GALNT18: variants seen among roughly 807,000 people sequenced by gnomAD.
GALNT18 encodes the protein GalNAc-transferase 18.
GALNT18 carries 44 observed loss-of-function variants against 69.5 expected under a neutral mutation model. The observed-to-expected ratio is 0.63, with a 90% CI of 0.50 to 0.81. GALNT18 has a LOEUF of 0.81. GALNT18 is among the 40% of genes least tolerant of loss of function. The pLI, the probability that GALNT18 is intolerant of heterozygous loss-of-function variation, is 0.00. For missense variants in GALNT18, 715 were observed against 810.0 expected, an observed-to-expected ratio of 0.88 and a Z score of 1.42; for synonymous variants, 364 against 318.2, an observed-to-expected ratio of 1.14 and a Z score of -1.53.
intron 1 of GALNT18, among the ~76,000 whole-genome samples, chr11:11,577,220 T>C (rs1048513509): frequency 1.1e-4 from 16 of 152,228 alleles, no homozygotes; most frequent in African/African-American, 3.4e-4. Flanking sequence ...TGGTAGCCAT[T>C]ATTCTGATTA....
intron 1 of GALNT18, among the ~76,000 whole-genome samples, chr11:11,487,747 T>C (rs1856674594): frequency 1.3e-5 from 2 of 152,322 alleles, no homozygotes; most frequent in Non-Finnish European, 2.9e-5. Flanking sequence ...GCTCCAGGTA[T>C]GACCAGAGCT....
rs181379643 is a variant in GALNT18, at chr11:11,500,113, C to A, written c.236-51177G>T. 2.0e-4 allele frequency among the ~76,000 whole-genome samples: 30 copies of A among 152,252 alleles called. 1 individual carries two copies. In the East Asian group the frequency reaches 5.4e-3, roughly 27 times the overall value. The stretch of plus-strand genomic sequence containing the variant: ...TCTTCCCACATTTAATATTCTCATC[C>A]CATTTCCTTCTACGAAAAGACTTAA... On this transcript the variant is annotated intron_variant, in intron 1 of 10. Transcript: ENST00000227756. The surrounding 1 kb of genome is among the most constrained non-coding windows in gnomAD (Gnocchi z 5.0).
At chr11:11,335,866 C>T (rs4372447) in intron 7 of GALNT18, among the ~76,000 whole-genome samples, 3 of 151,994 alleles carry the variant, frequency 2.0e-5, no homozygotes, top group East Asian at 1.9e-4. Context: ...ACTCTCCCCT[C>T]GAGATGCTGG....
intron 1 of GALNT18, among the ~76,000 whole-genome samples, chr11:11,472,681 A>T (rs1202760813): frequency 2.0e-5 from 3 of 152,240 alleles, no homozygotes; most frequent in African/African-American, 7.2e-5. Context: ...CAGCTATGCT[A>T]TGTTTATAAA....
chr11:11,543,227 T>C lies in GALNT18; in HGVS notation c.235+78132A>G, dbSNP rs1857966782. Among the ~76,000 whole-genome samples, 2 of 152,184 alleles carry C rather than the reference T, an allele frequency of 1.3e-5. No individual in the cohort carries two copies. Among genetic ancestry groups the C allele is most frequent in the African/African-American group, 4.8e-5 (2 of 41,464 alleles). ...GTTTCTAGAACCTCATTTTGGAAAG[T>C]TGTTAATTCCAGCCAGGCTGATCTG... On this transcript the variant is annotated intron_variant, in intron 1 of 10. Transcript: ENST00000227756. The surrounding 1 kb of genome is among the most constrained non-coding windows in gnomAD (Gnocchi z 5.1).
At chr11:11,588,392 C>T (rs755949420) in intron 1 of GALNT18, among the ~76,000 whole-genome samples, 9 of 151,944 alleles carry the variant, frequency 5.9e-5, no homozygotes, top group Non-Finnish European at 1.2e-4. Flanking sequence ...AATGGATGCA[C>T]GGACAAATGG....
In GALNT18 at chr11:11,320,727, G is replaced by A. The variant is rs1489616959; in HGVS notation, c.1512+6359C>T. On this transcript the variant is annotated intron_variant, in intron 9 of 10. Coordinates refer to ENST00000227756, the MANE Select transcript of GALNT18 (RefSeq NM_198516.3). This position sits in a 1 kb window ranked among gnomAD's most constrained non-coding sequence, Gnocchi z 4.9. ...TCCCCTGCCCCTGCGTTCATCATGG[G>A]TGGATGTAGGAGCTCAGGCTGGGAA... 2.6e-5 allele frequency among the ~76,000 whole-genome samples: 4 copies of A among 152,164 alleles called. No homozygotes were observed. The East Asian group carries it at 5.8e-4, about 22-fold the overall frequency.
chr11:11,307,582 T>C (rs1849600498), intron 9 of GALNT18, among the ~76,000 whole-genome samples: 5 of 152,086 alleles, frequency 3.3e-5, no homozygotes, highest in Admixed American at 2.6e-4. Flanking sequence ...ACCTCAACCA[T>C]CACAATGCCC....
chr11:11,535,014 G>A (rs1387458194), intron 1 of GALNT18, among the ~76,000 whole-genome samples: 1 of 152,260 alleles, frequency 6.6e-6, no homozygotes, highest in African/African-American at 2.4e-5. Context: ...CTTGCTGAGT[G>A]ACCACAGGCA....
intron 1 of GALNT18, among the ~76,000 whole-genome samples, chr11:11,502,573 T>C (rs1856996808): frequency 1.3e-5 from 2 of 152,198 alleles, no homozygotes; most frequent in Admixed American, 1.3e-4. Flanking sequence ...GCAGAGATGG[T>C]CTGCTGCATA....
chr11:11,581,200 G>A (rs915450184), intron 1 of GALNT18, among the ~76,000 whole-genome samples: 7 of 152,218 alleles, frequency 4.6e-5, no homozygotes, highest in Non-Finnish European at 4.4e-5. Flanking sequence ...TGGAGTAGGG[G>A]CCCCGACAGC....
At chr11:11,323,131 A>G (rs969852582) in intron 9 of GALNT18, among the ~76,000 whole-genome samples, 1 of 152,208 alleles carries the variant, frequency 6.6e-6, no homozygotes, top group Non-Finnish European at 1.5e-5. Flanking sequence ...CCTCAAATGC[A>G]TGTTTTTAAG....
chr11:11,349,743 C>A (rs1850365837), intron 6 of GALNT18, among the ~76,000 whole-genome samples: 1 of 152,212 alleles, frequency 6.6e-6, no homozygotes, highest in Admixed American at 6.5e-5. Context: ...ACTTGGTGTT[C>A]TCCCAGGTTT....
rs553109011 is a variant in GALNT18 at position 11,582,330 on chromosome 11, T to C, written c.235+39029A>G. On this transcript the variant is annotated intron_variant, in intron 1 of 10. Coordinates refer to ENST00000227756, the MANE Select transcript of GALNT18 (RefSeq NM_198516.3). The surrounding 1 kb of genome is among the most constrained non-coding windows in gnomAD (Gnocchi z 5.0). ...ATGGCCAGGAGGCAAAGGGCCTTTGTTCCCAATCATTCACTGCCCCTCCCT... is the reference window on the plus strand; with the variant it reads ...ATGGCCAGGAGGCAAAGGGCCTTTGCTCCCAATCATTCACTGCCCCTCCCT... Among the ~76,000 whole-genome samples, 5 of 152,270 alleles carry C rather than the reference T, an allele frequency of 3.3e-5. No homozygotes were observed. Among genetic ancestry groups the C allele is most frequent in the African/African-American group, 1.2e-4 (5 of 41,550 alleles).
rs151262632 is a variant in GALNT18, at chr11:11,426,298, A to G, written c.595+6323T>C. The stretch of plus-strand genomic sequence containing the variant: ...AAGCCCCAAGGACCCCGGCCCAGGA[A>G]GAAACACTCCACCCAGTGGTGCCTG... On this transcript the variant is annotated intron_variant, in intron 3 of 10. Transcript: ENST00000227756. Among the ~76,000 whole-genome samples, 4 of 152,344 alleles carry G rather than the reference A, an allele frequency of 2.6e-5. 1 individual carries two copies. Among genetic ancestry groups the G allele is most frequent in the African/African-American group, 9.6e-5 (4 of 41,586 alleles).
At chr11:11,479,288 C>T (rs1856472233) in intron 1 of GALNT18, among the ~76,000 whole-genome samples, 1 of 152,090 alleles carries the variant, frequency 6.6e-6, no homozygotes, top group Non-Finnish European at 1.5e-5. Flanking sequence ...TTTCACAGTA[C>T]ATAATGTTAA....
chr11:11,609,173 C>T (rs369666974), intron 1 of GALNT18, among the ~76,000 whole-genome samples: 1 of 152,232 alleles, frequency 6.6e-6, no homozygotes, highest in East Asian at 1.9e-4. Flanking sequence ...TGCCTCTCTG[C>T]TCACCCCCTC....
At chr11:11,589,506 G>A (rs145680495) in intron 1 of GALNT18, among the ~76,000 whole-genome samples, 71 of 152,176 alleles carry the variant, frequency 4.7e-4, no homozygotes, top group African/African-American at 1.6e-3. Flanking sequence ...CTCCCCTTTT[G>A]CTGTTCAGCA....
At chr11:11,427,453 C>G (rs189496663) in intron 3 of GALNT18, among the ~76,000 whole-genome samples, 2 of 152,240 alleles carry the variant, frequency 1.3e-5, no homozygotes, top group Non-Finnish European at 2.9e-5. Flanking sequence ...GTAATAGAAG[C>G]CTGGGAAGGA....
Sources: allele counts gnomAD v4.1 joint callset (sites outside exome capture counted in the v4.1 genomes callset), GRCh38; gene constraint gnomAD v4.1.1; non-coding constraint Gnocchi (gnomAD v3.1); transcripts MANE v1.5; gene names NCBI Gene and HGNC (gene_info 2026-07-23, HGNC 2026-07-21).